RANBP2: variants seen among roughly 807,000 people sequenced by gnomAD.
RANBP2 encodes RAN binding protein 2.
Under a neutral mutation model 303.6 loss-of-function variants are expected in RANBP2, and 57 were observed. The observed-to-expected ratio is 0.19, with a 90% confidence interval of 0.15 to 0.23. The LOEUF is 0.23. Ranked by LOEUF, RANBP2 falls within the 10% of genes least tolerant of loss-of-function variation. The probability of loss-of-function intolerance (pLI) is 1.00; values close to 1 mark genes in which losing one functional copy is unlikely to be tolerated. For synonymous variants in RANBP2, 1,167 were observed against 1,301.5 expected (o/e 0.90, Z 2.23); for missense variants, 3,138 against 3,780.8 (o/e 0.83, Z 4.46).
chr2:108,790,122 ATAAT>A (rs752461460), downstream of RANBP2, among the ~76,000 whole-genome samples: 8 of 152,270 alleles, frequency 5.3e-5, no homozygotes, highest in African/African-American at 1.9e-4. Flanking sequence ...TTCTGGGTAA[ATAAT>A]AAGTACTCAA....
intron 6 of RANBP2, among the ~76,000 whole-genome samples, chr2:108,737,111 G>GT: frequency 6.6e-6 from 1 of 152,008 alleles, no homozygotes; most frequent in East Asian, 1.9e-4. Flanking sequence ...AGTGCAGGGA[G>GT]TAGGTAATTT....
chr2:108,910,931 G>C, the RANBP2 span: 2 of 1,614,018 alleles, frequency 1.2e-6, no homozygotes, highest in Non-Finnish European at 1.7e-6. Flanking sequence ...GGGCACCGGC[G>C]CATGGGGGCC....
At chr2:109,187,382 A>G in the RANBP2 span, among the ~76,000 whole-genome samples, 1 of 150,038 alleles carries the variant, frequency 6.7e-6, no homozygotes, top group African/African-American at 2.5e-5. Flanking sequence ...TAAAGGTATT[A>G]TTTAGAAAAA....
At chr2:109,291,144 C>CT in the RANBP2 span, among the ~76,000 whole-genome samples, 1 of 152,198 alleles carries the variant, frequency 6.6e-6, no homozygotes, top group African/African-American at 2.4e-5. Context: ...ATTTGGGGCA[C>CT]TTGTCTCATG....
At chr2:109,660,667 T>C in the RANBP2 span, among the ~76,000 whole-genome samples, 2 of 152,206 alleles carry the variant, frequency 1.3e-5, no homozygotes, top group African/African-American at 4.8e-5. Flanking sequence ...AGGGAGGGGC[T>C]GACGGCTGCC....
chr2:109,614,254 CG>C, the RANBP2 span: 2 of 681,666 alleles, frequency 2.9e-6, no homozygotes, highest in South Asian at 7.6e-5. Context: ...GCCGAGACAG[CG>C]GGGAGCGGAA....
the RANBP2 span, among the ~76,000 whole-genome samples, chr2:109,151,359 A>G: frequency 6.6e-6 from 1 of 152,186 alleles, no homozygotes; most frequent in African/African-American, 2.4e-5. Context: ...ATGAAAAGCT[A>G]ATGGTTTAAC....
At chr2:109,462,129 T>G in the RANBP2 span, among the ~76,000 whole-genome samples, 1 of 150,730 alleles carries the variant, frequency 6.6e-6, no homozygotes, top group Non-Finnish European at 1.5e-5. Context: ...GAGTAGTTGC[T>G]GCTTCTTGCT....
At chr2:109,222,870 G>A in the RANBP2 span, among the ~76,000 whole-genome samples, 271 of 152,344 alleles carry the variant, frequency 1.8e-3, no homozygotes, top group African/African-American at 6.2e-3. Context: ...TGACCACATG[G>A]CATCCCCAAG....
At chr2:109,621,444 T>A in the RANBP2 span, among the ~76,000 whole-genome samples, 2 of 152,162 alleles carry the variant, frequency 1.3e-5, no homozygotes, top group East Asian at 3.9e-4. Flanking sequence ...GAGCCACTTT[T>A]TTTTTTAACC....
the RANBP2 span, among the ~76,000 whole-genome samples, chr2:109,316,845 G>A: frequency 6.6e-6 from 1 of 152,182 alleles, no homozygotes; most frequent in African/African-American, 2.4e-5. Context: ...GTGGGTCTTT[G>A]TACTGTCGCT....
chr2:109,048,537 T>G, the RANBP2 span, among the ~76,000 whole-genome samples: 1 of 152,220 alleles, frequency 6.6e-6, no homozygotes, highest in South Asian at 2.1e-4. Flanking sequence ...TGAGTCTCCA[T>G]CACAGTAATT....
the RANBP2 span, among the ~76,000 whole-genome samples, chr2:109,750,710 A>AATG: frequency 8.9e-6 from 1 of 112,906 alleles, no homozygotes; most frequent in Non-Finnish European, 1.9e-5. Flanking sequence ...TAATAATAAT[A>AATG]ATAATAATAA....
intron 8 of RANBP2, 39 bp from the exon 9 acceptor site, chr2:108,748,881 A>C (rs780788037): frequency 3.1e-6 from 5 of 1,611,938 alleles, no homozygotes; most frequent in Non-Finnish European, 4.2e-6. Context: ...ACAATCTGTA[A>C]TTTTAAAGTG....
At chr2:108,882,318 A>G in the RANBP2 span, 1 of 152,200 alleles carries the variant, frequency 6.6e-6, no homozygotes, top group Non-Finnish European at 1.5e-5. Context: ...GGGTTGCCAC[A>G]AATCTTCAAT....
the RANBP2 span, among the ~76,000 whole-genome samples, chr2:109,200,737 C>T: frequency 1.5e-3 from 234 of 152,312 alleles, no homozygotes; most frequent in African/African-American, 4.9e-3. Context: ...CTTGCTGCCC[C>T]TCCTCACCCC....
chr2:109,683,054 G>C, the RANBP2 span, among the ~76,000 whole-genome samples: 1 of 152,134 alleles, frequency 6.6e-6, no homozygotes, highest in Admixed American at 6.5e-5. Flanking sequence ...TGCCCAGGCT[G>C]GAGTGCAGTG....
the RANBP2 span, chr2:109,129,322 C>A: frequency 1.4e-6 from 1 of 733,650 alleles, no homozygotes; most frequent in Non-Finnish European, 2.2e-6. Context: ...TGGGCGGGCT[C>A]GGCTGGCCGG....
At chr2:109,692,717 C>T in the RANBP2 span, among the ~76,000 whole-genome samples, 1 of 152,160 alleles carries the variant, frequency 6.6e-6, no homozygotes, top group Non-Finnish European at 1.5e-5. Context: ...TGGCTGCCTG[C>T]ATAAATTCAC....
Sources: allele counts gnomAD v4.1 joint callset (sites outside exome capture counted in the v4.1 genomes callset), GRCh38; gene constraint gnomAD v4.1.1; transcripts MANE v1.5; gene names NCBI Gene and HGNC (gene_info 2026-07-23, HGNC 2026-07-21).